CRISPLD2: variants seen among roughly 807,000 people sequenced by gnomAD.
CRISPLD2 encodes the protein cysteine-rich secretory protein LCCL domain-containing 2.
CRISPLD2 carries 47 observed loss-of-function variants against 71.1 expected under a neutral mutation model. That is an observed-to-expected ratio of 0.66 (90% CI 0.52 to 0.84). The LOEUF is 0.84. Among genes scored for constraint, CRISPLD2 ranks in the 40% least tolerant of loss-of-function variants. The pLI is 0.00. For synonymous variants in CRISPLD2, 317 were observed against 250.1 expected (o/e 1.27, Z -2.52); for missense variants, 830 against 651.1 (o/e 1.27, Z -2.99).
At chr16:84,900,363 C>G (rs567564174) in intron 14 of CRISPLD2, among the ~76,000 whole-genome samples, 1 of 152,128 alleles carries the variant, frequency 6.6e-6, no homozygotes, top group Non-Finnish European at 1.5e-5. Flanking sequence ...AATCTGGGGG[C>G]TCTCTTTGTT....
intron 3 of CRISPLD2, among the ~76,000 whole-genome samples, chr16:84,846,503 G>T (rs756845111): frequency 6.6e-6 from 1 of 151,994 alleles, no homozygotes; most frequent in African/African-American, 2.4e-5. Context: ...ATCCACCCAC[G>T]TTGGCCTCCT....
chr16:84,860,480 T>G (rs1917349754), intron 6 of CRISPLD2, among the ~76,000 whole-genome samples: 1 of 152,050 alleles, frequency 6.6e-6, no homozygotes, highest in African/African-American at 2.4e-5. Context: ...CAAACAGGGA[T>G]GTTGGGGTTG....
intron 11 of CRISPLD2, 132 bp from the exon 12 acceptor site, chr16:84,877,306 G>A (rs2641662): frequency 2.8e-6 from 2 of 714,336 alleles, no homozygotes; most frequent in African/African-American, 1.8e-5. Flanking sequence ...CTGCTGGGTC[G>A]TAGTCCCAGC....
chr16:84,900,555 GCGCTGGGAGGC>G (rs2071744784), intron 14 of CRISPLD2, among the ~76,000 whole-genome samples: 1 of 151,334 alleles, frequency 6.6e-6, no homozygotes, highest in Non-Finnish European at 1.5e-5. Flanking sequence ...GCATCACACA[GCGCTGGGAGGC>G]ATCGCACAGC....
chr16:84,824,804 A>T (rs1916310186), intron 1 of CRISPLD2, among the ~76,000 whole-genome samples: 1 of 152,238 alleles, frequency 6.6e-6, no homozygotes, highest in South Asian at 2.1e-4. Flanking sequence ...GCCAAGTTAA[A>T]TAAAAATACA....
rs560561156 is a variant in CRISPLD2 at position 84,891,051 on chromosome 16, G to T, written c.1439+1688G>T. Among the ~76,000 whole-genome samples the T allele has an allele frequency of 3.5e-3, 526 of 152,314 alleles. 5 individuals carry two copies. The highest frequency in any genetic ancestry group is 0.012 in the African/African-American group (514 of 41,570). On this transcript the variant is annotated intron_variant, in intron 14 of 14. Transcript: ENST00000262424. Reference sequence around the variant, plus strand: ...CAAAGTGCTGGGATCACAGGTGTGAGCCACCGCACTCGGCCGCCATGATTA... The same window carrying T: ...CAAAGTGCTGGGATCACAGGTGTGATCCACCGCACTCGGCCGCCATGATTA...
At chr16:84,843,942 G>T (rs1597453471) in intron 2 of CRISPLD2, among the ~76,000 whole-genome samples, 1 of 152,238 alleles carries the variant, frequency 6.6e-6, no homozygotes, top group African/African-American at 2.4e-5. Context: ...ATGCGGTTGT[G>T]TTGGGCAGGT....
rs758255060 is a variant in CRISPLD2, at chr16:84,889,293, G to A, written c.1369G>A (p.Val457Met). Residue 457 changes from valine (V) to methionine (M), a missense_variant, in exon 14 of 15, where the codon GTG (valine) becomes ATG (methionine). Val to Met is a conservative substitution (Grantham distance 21). Coordinates refer to ENST00000262424, the MANE Select transcript of CRISPLD2 (RefSeq NM_031476.4). ...CATCAGCAACGAGAGTGGGGGTGACGTGGACGTGATGCCCGTGGATAAAAA... is the reference window on the plus strand; with the variant it reads ...CATCAGCAACGAGAGTGGGGGTGACATGGACGTGATGCCCGTGGATAAAAA... ...GVISNESGGD[V>M]DVMPVDKKKT... is the part of the protein sequence containing the mutation. 9.9e-6 allele frequency: 16 copies of A among 1,614,130 alleles called. No individual in the cohort carries two copies. The highest frequency in any genetic ancestry group is 3.3e-5 in the South Asian group (3 of 91,080).
chr16:84,872,453 C>T lies in CRISPLD2; in HGVS notation c.926C>T (p.Pro309Leu), dbSNP rs902451759. The stretch of plus-strand genomic sequence containing the variant: ...TTCTTCCTCGTCAGGTACCAGTGCC[C>T]AGCAGGCTGCCTGAACCACAAGGCG... The part of the protein sequence containing the change: ...KGSTCNRYQC[P>L]AGCLNHKAKI... The change falls in exon 9 of 15, where the codon CCA (proline) becomes CTA (leucine). Residue 309 changes from proline (P) to leucine (L), a missense_variant. Transcript: ENST00000262424. 3 of 1,613,774 alleles carry T rather than the reference C, an allele frequency of 1.9e-6. No homozygotes were observed. The African/African-American group carries it at 4.0e-5, about 22-fold the overall frequency.
chr16:84,850,631 T>G lies in CRISPLD2; in HGVS notation c.556T>G (p.Trp186Gly). ...GAACACCTGCCGGAAGATGACTGTC[T>G]GGGGAGAAGTTTGGGAGAACGCGGT... Reference protein sequence around the residue: ...AVNTCRKMTVWGEVWENAVYF... With the variant: ...AVNTCRKMTVGGEVWENAVYF... The change falls in exon 5 of 15, where the codon TGG becomes GGG. Residue 186 changes from tryptophan (W) to glycine (G), a missense_variant. By Grantham distance (184) the Trp-to-Gly change is radical. Coordinates refer to ENST00000262424, the MANE Select transcript of CRISPLD2 (RefSeq NM_031476.4). 6.2e-7 allele frequency: 1 copy of G among 1,614,182 alleles called. No individual in the cohort carries two copies. Among genetic ancestry groups the G allele is most frequent in the Non-Finnish European group, 8.5e-7 (1 of 1,180,034 alleles).
At position 84,906,831 on chromosome 16, in the gene CRISPLD2, G is replaced by A. The variant is rs551361852; in HGVS notation, c.*189G>A. ...CCTCACTGAAGCAACAGCATCCCAAGGTGCTCAGCCGGACTCCCTGGTGCC... is the reference window on the plus strand; with the variant it reads ...CCTCACTGAAGCAACAGCATCCCAAAGTGCTCAGCCGGACTCCCTGGTGCC... On this transcript the variant is annotated 3_prime_UTR_variant, in exon 15 of 15. Coordinates refer to ENST00000262424, the MANE Select transcript of CRISPLD2 (RefSeq NM_031476.4). 1.6e-4 allele frequency: 112 copies of A among 718,130 alleles called. No individual in the cohort carries two copies. The African/African-American group carries it at 1.8e-3, about 12-fold the overall frequency. The allele number at this position is 718,130 out of a possible 1,614,324, so 44.5% of individuals were successfully genotyped here.
chr16:84,854,113 C>T (rs369755852), intron 5 of CRISPLD2, among the ~76,000 whole-genome samples: 13 of 152,306 alleles, frequency 8.5e-5, no homozygotes, highest in South Asian at 6.2e-4. Context: ...GGCTCTGAGC[C>T]GGACAGCCTG....
chr16:84,868,842 C>T lies in CRISPLD2; in HGVS notation c.854-9C>T. 1.2e-6 allele frequency: 2 copies of T among 1,611,638 alleles called. No homozygotes were observed. Among genetic ancestry groups the T allele is most frequent in the Non-Finnish European group, 1.7e-6 (2 of 1,178,702 alleles). The stretch of plus-strand genomic sequence containing the variant: ...TGCCGTGACATGTATTCCCGCATTT[C>T]TCTCCTAGCCCAAGTCGTCAGATGT... On this transcript the variant is annotated splice_polypyrimidine_tract_variant and intron_variant, in intron 7 of 14. Transcript: ENST00000262424.
chr16:84,872,400 A>G (rs2071478712), intron 8 of CRISPLD2, 42 bp from the exon 9 acceptor site: 7 of 1,513,374 alleles, frequency 4.6e-6, no homozygotes, highest in Non-Finnish European at 6.4e-6. Context: ...GATGTAATCA[A>G]CGTGCTTATC....
chr16:84,849,451 C>T lies in CRISPLD2; in HGVS notation c.426C>T (p.Tyr142=), dbSNP rs1245813711. 6.2e-7 allele frequency: 1 copy of T among 1,614,128 alleles called. No individual in the cohort carries two copies. Among genetic ancestry groups the T allele is most frequent in the Non-Finnish European group, 8.5e-7 (1 of 1,179,978 alleles). Residue 142 remains tyrosine, a synonymous_variant, in exon 4 of 15, where the codon TAC becomes TAT. Coordinates refer to ENST00000262424, the MANE Select transcript of CRISPLD2 (RefSeq NM_031476.4). ...YDEVKDYTYP[Y]PSECNPWCPE... is the part of the protein sequence containing the mutation. ...AGGTGAAGGACTACACCTACCCCTA[C>T]CCGAGCGAGTGCAACCCCTGGTGTC... is the stretch of plus-strand genomic sequence containing the variant.
intron 13 of CRISPLD2, chr16:84,880,868 C>T (rs933334403): frequency 2.8e-5 from 6 of 212,566 alleles, no homozygotes; most frequent in Non-Finnish European, 5.6e-5. Flanking sequence ...CCATGCCTGG[C>T]TAATTTTTGT....
chr16:84,873,855 C>G, intron 10 of CRISPLD2, 65 bp from the exon 11 acceptor site: 3 of 1,451,792 alleles, frequency 2.1e-6, no homozygotes, highest in Non-Finnish European at 2.8e-6. Flanking sequence ...CAAGCGTTCA[C>G]TTTTAGAAGC....
At chr16:84,856,707 T>C (rs1055506134) in intron 6 of CRISPLD2, among the ~76,000 whole-genome samples, 1 of 152,210 alleles carries the variant, frequency 6.6e-6, no homozygotes, top group African/African-American at 2.4e-5. Flanking sequence ...CTGCCAAGTA[T>C]TGTCACCTAG....
At chr16:84,826,461 C>T (rs565248287) in intron 1 of CRISPLD2, among the ~76,000 whole-genome samples, 224 of 152,328 alleles carry the variant, frequency 1.5e-3, no homozygotes, top group African/African-American at 4.9e-3. Flanking sequence ...GAGCCAGCTA[C>T]GCACATTTAC....
Sources: allele counts gnomAD v4.1 joint callset (sites outside exome capture counted in the v4.1 genomes callset), GRCh38; gene constraint gnomAD v4.1.1; transcripts MANE v1.5; gene names NCBI Gene and HGNC (gene_info 2026-07-23, HGNC 2026-07-21).